IL23R: variants seen among roughly 807,000 people sequenced by gnomAD.
The protein encoded by IL23R is interleukin-23 receptor.
A neutral mutation model predicts 56.9 loss-of-function variants in IL23R; 34 were observed. The observed-to-expected ratio is 0.60, with a 90% CI of 0.45 to 0.80. The LOEUF is 0.80. Ranked by LOEUF, IL23R falls within the 30% of genes least tolerant of loss-of-function variation. The probability of loss-of-function intolerance (pLI) is 0.00; values close to 1 mark genes in which losing one functional copy is unlikely to be tolerated. For synonymous variants in IL23R, 230 were observed against 249.2 expected (o/e 0.92, Z 0.73); for missense variants, 635 against 730.0 (o/e 0.87, Z 1.50).
chr1:67,225,660 C>G (rs1415867471), intron 7 of IL23R, among the ~76,000 whole-genome samples: 1 of 152,122 alleles, frequency 6.6e-6, no homozygotes. Flanking sequence ...CAGACATCCA[C>G]CACACCTGGC....
chr1:67,177,375 T>C (rs1188504494), intron 3 of IL23R, among the ~76,000 whole-genome samples: 3 of 152,218 alleles, frequency 2.0e-5, no homozygotes, highest in Non-Finnish European at 4.4e-5. Context: ...CCAGTGATGA[T>C]GAGCATTTTT....
intron 6 of IL23R, chr1:67,207,704 T>G: frequency 3.2e-6 from 1 of 316,560 alleles, no homozygotes; most frequent in Non-Finnish European, 6.1e-6. Flanking sequence ...GAACTGTAAG[T>G]CCAATTAAAC....
intron 4 of IL23R, among the ~76,000 whole-genome samples, chr1:67,186,171 T>C (rs1647312527): frequency 1.3e-5 from 2 of 152,170 alleles, no homozygotes; most frequent in Non-Finnish European, 2.9e-5. Flanking sequence ...GAGGGCAGTA[T>C]GGCAGCAAAC....
intron 3 of IL23R, among the ~76,000 whole-genome samples, chr1:67,180,574 A>G (rs1336726026): frequency 2.0e-5 from 3 of 152,088 alleles, no homozygotes; most frequent in African/African-American, 7.2e-5. Flanking sequence ...TCTTTATCCA[A>G]TTTGCCAGTC....
intron 5 of IL23R, among the ~76,000 whole-genome samples, chr1:67,205,531 G>GATTCT (rs1648943661): frequency 6.6e-6 from 1 of 152,172 alleles, no homozygotes; most frequent in Non-Finnish European, 1.5e-5. Context: ...AAGTGTTAAT[G>GATTCT]ATTCTATTCT....
intron 4 of IL23R, among the ~76,000 whole-genome samples, chr1:67,187,987 G>A (rs1647467110): frequency 6.6e-6 from 1 of 152,122 alleles, no homozygotes; most frequent in African/African-American, 2.4e-5. Context: ...GGGAGGTGAA[G>A]GTTGCAGTGA....
At chr1:67,195,525 C>A (rs983821258) in intron 4 of IL23R, among the ~76,000 whole-genome samples, 5 of 152,150 alleles carry the variant, frequency 3.3e-5, no homozygotes, top group African/African-American at 9.7e-5. Context: ...TATCAAGGGG[C>A]AGAGCTGGGA....
rs539176340 is a variant in IL23R, at chr1:67,219,871, G to A, written c.955+141G>A. ...GCTTGAGCCTAGGAGTTTGAGACTGGCCTGGGCAACATAGTGAGACCCTAG... is the reference window on the plus strand; with the variant it reads ...GCTTGAGCCTAGGAGTTTGAGACTGACCTGGGCAACATAGTGAGACCCTAG... On this transcript the variant is annotated intron_variant, in intron 7 of 10. Transcript: ENST00000347310. 5.1e-6 allele frequency: 4 copies of A among 780,016 alleles called. No homozygotes were observed. The African/African-American group carries it at 5.2e-5, about 10-fold the overall frequency. The allele number at this position is 780,016 out of a possible 1,614,324, so 48.3% of individuals were successfully genotyped here. A position where few individuals can be genotyped will look rare whatever the true frequency, so the allele number is the denominator to read the frequency against.
chr1:67,143,159 G>T (rs1010244238), intron 1 of IL23R, among the ~76,000 whole-genome samples: 15 of 152,034 alleles, frequency 9.9e-5, no homozygotes, highest in Non-Finnish European at 2.2e-4. Context: ...TAAATATCCT[G>T]TCTGTGACTC....
At chr1:67,142,530 T>G (rs992282654) in intron 1 of IL23R, among the ~76,000 whole-genome samples, 3 of 152,200 alleles carry the variant, frequency 2.0e-5, no homozygotes, top group African/African-American at 7.2e-5. Flanking sequence ...AGGTATTTTA[T>G]AAATACAGCA....
At chr1:67,163,462 C>A (rs1233833113), upstream of IL23R, among the ~76,000 whole-genome samples, 9 of 89,076 alleles carry the variant, frequency 1.0e-4, no homozygotes, top group East Asian at 2.8e-3. Flanking sequence ...GAGCAAGACC[C>A]TGTCTCAAAA....
intron 1 of IL23R, among the ~76,000 whole-genome samples, chr1:67,148,255 C>G (rs756434789): frequency 6.6e-6 from 1 of 152,298 alleles, no homozygotes. Flanking sequence ...GGACGGCGAG[C>G]GAAAGCTCAG....
upstream of IL23R, among the ~76,000 whole-genome samples, chr1:67,162,819 C>G (rs964033555): frequency 1.3e-5 from 2 of 152,170 alleles, no homozygotes; most frequent in Non-Finnish European, 1.5e-5. Context: ...ATGCTATTCA[C>G]TATGAATTTA....
chr1:67,156,550 C>T (rs1287831193), intron 1 of IL23R, among the ~76,000 whole-genome samples: 2 of 152,202 alleles, frequency 1.3e-5, no homozygotes, highest in Non-Finnish European at 2.9e-5. Flanking sequence ...TGGCCACAGT[C>T]GCTTTGCTGC....
chr1:67,217,438 G>A (rs1558248688), intron 6 of IL23R, among the ~76,000 whole-genome samples: 3 of 151,998 alleles, frequency 2.0e-5, no homozygotes, highest in Non-Finnish European at 2.9e-5. Flanking sequence ...TTGGAATTCT[G>A]GCTGTACTTT....
chr1:67,234,178 C>T (rs1287976838), intron 7 of IL23R, among the ~76,000 whole-genome samples: 1 of 152,048 alleles, frequency 6.6e-6, no homozygotes, highest in Non-Finnish European at 1.5e-5. Flanking sequence ...ATGACGTAGC[C>T]ACGTGGTGGC....
At chr1:67,246,496 A>T (rs1009224816) in intron 9 of IL23R, among the ~76,000 whole-genome samples, 1 of 152,246 alleles carries the variant, frequency 6.6e-6, no homozygotes, top group Non-Finnish European at 1.5e-5. Flanking sequence ...TGTCCCAGAG[A>T]TTCTGGTACA....
At chr1:67,200,970 T>G (rs1648585390) in intron 5 of IL23R, 73 bp downstream of exon 5, 1 of 1,486,506 alleles carries the variant, frequency 6.7e-7, no homozygotes, top group South Asian at 1.2e-5. Flanking sequence ...GAGGTCTAGA[T>G]CTGAAAGAAG....
chr1:67,208,888 C>T (rs910427712), intron 6 of IL23R, among the ~76,000 whole-genome samples: 2 of 152,152 alleles, frequency 1.3e-5, no homozygotes, highest in African/African-American at 4.8e-5. Flanking sequence ...GTTGCAGACA[C>T]TCAATACCAG....
Sources: allele counts gnomAD v4.1 joint callset (sites outside exome capture counted in the v4.1 genomes callset), GRCh38; gene constraint gnomAD v4.1.1; transcripts MANE v1.5; gene names NCBI Gene and HGNC (gene_info 2026-07-23, HGNC 2026-07-21).